Variants in PREX2 observed in about 807,000 individuals in gnomAD.
The protein encoded by PREX2 is phosphatidylinositol-3,4,5-trisphosphate dependent Rac exchange factor 2.
Under a neutral mutation model 203.2 loss-of-function variants are expected in PREX2, and 107 were observed. That is an observed-to-expected ratio of 0.53 (90% CI 0.45 to 0.62). PREX2 has a LOEUF of 0.62. PREX2 is among the 20% of genes least tolerant of loss of function. The pLI, the probability that PREX2 is intolerant of heterozygous loss-of-function variation, is 0.00. For synonymous variants in PREX2, 672 were observed against 663.6 expected (o/e 1.01, Z -0.19); for missense variants, 1,777 against 1,955.9 (o/e 0.91, Z 1.72).
At chr8:68,189,034 C>T (rs1389819661) in intron 35 of PREX2, among the ~76,000 whole-genome samples, 1 of 152,058 alleles carries the variant, frequency 6.6e-6, no homozygotes, top group Non-Finnish European at 1.5e-5. Context: ...ATTTTAGTGG[C>T]AGAAATGAAA....
intron 38 of PREX2, among the ~76,000 whole-genome samples, chr8:68,222,473 G>T (rs937607849): frequency 6.6e-6 from 1 of 150,954 alleles, no homozygotes; most frequent in African/African-American, 2.4e-5. Context: ...TTAGATTATA[G>T]CTCATGGAAT....
chr8:68,157,067 A>G (rs1423810671), intron 34 of PREX2, among the ~76,000 whole-genome samples: 1 of 152,208 alleles, frequency 6.6e-6, no homozygotes, highest in East Asian at 1.9e-4. Flanking sequence ...AACATATACA[A>G]AATGTTTTAA....
chr8:68,060,910 C>T (rs951545452), intron 11 of PREX2, 131 bp downstream of exon 11: 6 of 640,810 alleles, frequency 9.4e-6, no homozygotes, highest in Non-Finnish European at 1.3e-5. Context: ...ATTTTCAGTA[C>T]CTAATAAGTG....
intron 39 of PREX2, among the ~76,000 whole-genome samples, chr8:68,230,617 T>G (rs73683416): frequency 6.6e-6 from 1 of 152,048 alleles, no homozygotes; most frequent in Non-Finnish European, 1.5e-5. Context: ...CTTGTGTGAC[T>G]GTAGTTAAAC....
chr8:68,147,327 T>C (rs1353574776), intron 34 of PREX2, among the ~76,000 whole-genome samples: 5 of 152,184 alleles, frequency 3.3e-5, no homozygotes, highest in African/African-American at 1.2e-4. Context: ...TACCATGATA[T>C]GGTTTGGCTG....
intron 30 of PREX2, among the ~76,000 whole-genome samples, chr8:68,124,466 C>A (rs1431185730): frequency 4.6e-5 from 7 of 151,882 alleles, no homozygotes; most frequent in Admixed American, 3.9e-4. Context: ...AAGAGAGGAA[C>A]AACACATACT....
intron 22 of PREX2, among the ~76,000 whole-genome samples, chr8:68,099,111 T>G (rs1402620428): frequency 4.0e-5 from 6 of 151,824 alleles, no homozygotes; most frequent in Non-Finnish European, 7.4e-5. Flanking sequence ...ATAAATACTT[T>G]TATCTAATGC....
intron 38 of PREX2, among the ~76,000 whole-genome samples, chr8:68,222,766 G>A (rs4495410): frequency 0.52 from 78,633 of 151,302 alleles, 23,669 homozygotes; most frequent in East Asian, 0.87. Flanking sequence ...GCAGACACCA[G>A]AGTGATCAAA....
chr8:68,035,175 A>G (rs552400229), intron 6 of PREX2, among the ~76,000 whole-genome samples: 1 of 152,284 alleles, frequency 6.6e-6, no homozygotes, highest in East Asian at 1.9e-4. Context: ...ACATTTTATG[A>G]TAAGACAATA....
At chr8:68,182,075 A>G (rs1010639982) in intron 35 of PREX2, among the ~76,000 whole-genome samples, 5 of 152,098 alleles carry the variant, frequency 3.3e-5, no homozygotes, top group African/African-American at 2.4e-5. Context: ...ATGAATAATA[A>G]TAATAAGCAA....
intron 33 of PREX2, among the ~76,000 whole-genome samples, chr8:68,144,498 T>C (rs994919737): frequency 1.3e-5 from 2 of 152,210 alleles, no homozygotes; most frequent in Admixed American, 6.6e-5. Flanking sequence ...TGTTCACTGC[T>C]GGTATATAAG....
intron 35 of PREX2, among the ~76,000 whole-genome samples, chr8:68,165,586 A>C (rs1044478623): frequency 3.9e-5 from 6 of 152,046 alleles, no homozygotes; most frequent in African/African-American, 1.4e-4. Context: ...GGAGGGAGTC[A>C]AACACCTAGG....
intron 33 of PREX2, among the ~76,000 whole-genome samples, chr8:68,140,487 A>G (rs933285181): frequency 6.6e-6 from 1 of 152,208 alleles, no homozygotes; most frequent in African/African-American, 2.4e-5. Flanking sequence ...TTTATTATGC[A>G]TTGCATGTAG....
chr8:68,107,217 G>A (rs760990555), intron 23 of PREX2, among the ~76,000 whole-genome samples: 19 of 152,244 alleles, frequency 1.2e-4, no homozygotes, highest in African/African-American at 3.6e-4. Context: ...GAAACAGTTC[G>A]GCAATGAAGG....
chr8:68,210,685 A>G (rs1812726216), intron 37 of PREX2, among the ~76,000 whole-genome samples: 5 of 152,194 alleles, frequency 3.3e-5, no homozygotes. Context: ...GTTTGAATCA[A>G]TATTAAATGA....
intron 3 of PREX2, among the ~76,000 whole-genome samples, chr8:68,021,087 T>C (rs1366585624): frequency 6.6e-6 from 1 of 152,170 alleles, no homozygotes; most frequent in Non-Finnish European, 1.5e-5. Context: ...TGAGAAAATC[T>C]TACAAATAGA....
intron 8 of PREX2, 108 bp from the exon 9 acceptor site, chr8:68,052,989 G>T: frequency 1.1e-6 from 1 of 922,624 alleles, no homozygotes; most frequent in Non-Finnish European, 1.6e-6. Flanking sequence ...GCAAAGAGAT[G>T]TTGAACAATT....
Position 68,090,579 on chromosome 8 carries a change from G to A in PREX2, c.2114G>A (p.Gly705Glu), listed in dbSNP as rs1213028913. ...GTTATTTTCTCATTTGTATTTATAG[G>A]AACTGTGGCTGCAGCAGCTGGTCTT... Reference protein sequence around the residue: ...GPSVVHAVGRGTVAAAAGLHP... With the variant: ...GPSVVHAVGRETVAAAAGLHP... The change falls in exon 20 of 40, where the codon GGA becomes GAA. Residue 705 changes from glycine to glutamate, a missense_variant and splice_region_variant. Gly to Glu is a moderately conservative substitution (Grantham distance 98). Transcript: ENST00000288368. The A allele has an allele frequency of 1.9e-6, 3 of 1,601,916 alleles. No homozygotes were observed. The African/African-American group carries it at 4.0e-5, about 21-fold the overall frequency.
At chr8:68,203,648 A>G (rs1225710587) in intron 37 of PREX2, among the ~76,000 whole-genome samples, 1 of 152,184 alleles carries the variant, frequency 6.6e-6, no homozygotes, top group African/African-American at 2.4e-5. Context: ...GCTGCCAACT[A>G]TAGAAGTTGA....
Sources: gnomAD v4.1 joint callset for allele counts (sites outside exome capture counted in the v4.1 genomes callset) on GRCh38, gnomAD v4.1.1 for gene constraint, MANE v1.5 for transcripts, NCBI Gene and HGNC (gene_info 2026-07-23, HGNC 2026-07-21) for gene names.